Variants in ZNF804B observed in about 807,000 individuals in gnomAD.
ZNF804B encodes zinc finger 804B.
ZNF804B carries 80 observed loss-of-function variants against 101.4 expected under a neutral mutation model. That is an observed-to-expected ratio of 0.79 (90% CI 0.66 to 0.95). The LOEUF (loss-of-function observed/expected upper bound fraction) is 0.95, where lower values mean the gene tolerates loss of function less well. Among genes scored for constraint, ZNF804B ranks in the 40% least tolerant of loss-of-function variants. ZNF804B has a pLI of 0.00. For missense variants in ZNF804B, 1,673 were observed against 1,561.9 expected (o/e 1.07, Z -1.20); for synonymous variants, 622 against 558.8 (o/e 1.11, Z -1.59).
Position 89,045,741 on chromosome 7 carries a change from G to A in ZNF804B, c.109-172414G>A, listed in dbSNP as rs546163343. Among the ~76,000 whole-genome samples the A allele has an allele frequency of 2.0e-5, 3 of 152,298 alleles. No individual in the cohort carries two copies. The East Asian group carries it at 5.8e-4, about 29-fold the overall frequency. On this transcript the variant is annotated intron_variant, in intron 1 of 3. Coordinates refer to ENST00000333190, the MANE Select transcript of ZNF804B (RefSeq NM_181646.5). ...TTTACCCAATCCCTGTACCCCCAAT[G>A]TATCTAGGAAGTAACTCCTTTGCTT...
intron 1 of ZNF804B, among the ~76,000 whole-genome samples, chr7:89,137,170 A>G (rs1485805769): frequency 2.6e-5 from 4 of 152,078 alleles, no homozygotes; most frequent in African/African-American, 9.7e-5. Flanking sequence ...ACACAAAAAT[A>G]TGGAAGATAT....
chr7:89,076,527 A>G (rs1219731329), intron 1 of ZNF804B, among the ~76,000 whole-genome samples: 1 of 152,152 alleles, frequency 6.6e-6, no homozygotes, highest in African/African-American at 2.4e-5. Context: ...GTATGTCTTC[A>G]TCAGCAGCAT....
intron 2 of ZNF804B, among the ~76,000 whole-genome samples, chr7:89,303,799 A>G (rs1224922202): frequency 1.3e-5 from 2 of 151,948 alleles, no homozygotes; most frequent in Non-Finnish European, 1.5e-5. Flanking sequence ...GAAAAAGACT[A>G]TAAAACTGCA....
intron 2 of ZNF804B, among the ~76,000 whole-genome samples, chr7:89,242,951 T>C (rs1170229342): frequency 6.6e-6 from 1 of 151,814 alleles, no homozygotes; most frequent in African/African-American, 2.4e-5. Flanking sequence ...TTTTCATATA[T>C]GTTGGAAGAG....
chr7:89,301,289 C>T (rs774904112), intron 2 of ZNF804B, among the ~76,000 whole-genome samples: 12 of 151,404 alleles, frequency 7.9e-5, no homozygotes, highest in Non-Finnish European at 1.5e-4. Flanking sequence ...CTGAAACATG[C>T]TTATTATTTA....
chr7:89,011,066 G>C (rs1277483938), intron 1 of ZNF804B, among the ~76,000 whole-genome samples: 1 of 152,154 alleles, frequency 6.6e-6, no homozygotes. Context: ...CCATGGCTGG[G>C]GAGGCCTCAG....
At chr7:88,794,204 A>G in intron 1 of ZNF804B, 1 of 1,611,944 alleles carries the variant, frequency 6.2e-7, no homozygotes, top group Non-Finnish European at 8.5e-7. Flanking sequence ...GGAGCAGGCC[A>G]TACCACCTCA....
chr7:89,284,532 T>TA (rs923957943), intron 2 of ZNF804B, among the ~76,000 whole-genome samples: 4 of 152,050 alleles, frequency 2.6e-5, no homozygotes, highest in Non-Finnish European at 5.9e-5. Flanking sequence ...AGGACCGCTG[T>TA]AAAAAAAGAA....
chr7:89,239,977 C>T (rs1789342596), intron 2 of ZNF804B, among the ~76,000 whole-genome samples: 1 of 151,594 alleles, frequency 6.6e-6, no homozygotes, highest in South Asian at 2.1e-4. Context: ...TATCTAACTT[C>T]TCAATTAAAA....
intron 1 of ZNF804B, among the ~76,000 whole-genome samples, chr7:88,847,722 A>C (rs1791396784): frequency 6.6e-6 from 1 of 152,108 alleles, no homozygotes; most frequent in African/African-American, 2.4e-5. Context: ...AATATGCAAA[A>C]TCTAAATGCA....
At chr7:88,946,746 T>A (rs1793136363) in intron 1 of ZNF804B, among the ~76,000 whole-genome samples, 1 of 151,894 alleles carries the variant, frequency 6.6e-6, no homozygotes, top group African/African-American at 2.4e-5. Context: ...CTTTTTTTGA[T>A]TGGTAGGCTA....
rs533172268 is a variant in ZNF804B at position 89,219,070 on chromosome 7, T to A, written c.249+775T>A. Reference sequence around the variant, plus strand: ...TAACTAGTTAGTGACAGATTTAGAATCCTGGACTAGTACTAGGACAGAATC... The same window carrying A: ...TAACTAGTTAGTGACAGATTTAGAAACCTGGACTAGTACTAGGACAGAATC... On this transcript the variant is annotated intron_variant, in intron 2 of 3. Coordinates refer to ENST00000333190, the MANE Select transcript of ZNF804B (RefSeq NM_181646.5). Among the ~76,000 whole-genome samples, 3 of 151,422 alleles carry A rather than the reference T, an allele frequency of 2.0e-5. No homozygotes were observed. The East Asian group carries it at 5.9e-4, about 30-fold the overall frequency.
intron 1 of ZNF804B, among the ~76,000 whole-genome samples, chr7:88,895,860 A>G (rs1263202308): frequency 6.6e-6 from 1 of 152,230 alleles, no homozygotes; most frequent in Non-Finnish European, 1.5e-5. Flanking sequence ...ACTTATATAA[A>G]TACATTATTG....
chr7:89,092,600 A>T (rs1789910581), intron 1 of ZNF804B, among the ~76,000 whole-genome samples: 1 of 151,776 alleles, frequency 6.6e-6, no homozygotes, highest in South Asian at 2.1e-4. Flanking sequence ...TTTAGCAGAG[A>T]CAGTGTTTCA....
chr7:89,050,120 G>A (rs1202503953), intron 1 of ZNF804B, among the ~76,000 whole-genome samples: 3 of 152,032 alleles, frequency 2.0e-5, no homozygotes, highest in Non-Finnish European at 2.9e-5. Context: ...TAGGTCCAAA[G>A]TACTAACGCT....
intron 1 of ZNF804B, among the ~76,000 whole-genome samples, chr7:89,142,304 TTTG>T (rs148973759): frequency 0.12 from 17,529 of 151,750 alleles, 2,161 homozygotes; most frequent in African/African-American, 0.31. Flanking sequence ...TTATTTTTCT[TTTG>T]TTGTTGTTGT....
At chr7:88,885,259 C>T (rs1167500010) in intron 1 of ZNF804B, among the ~76,000 whole-genome samples, 1 of 151,632 alleles carries the variant, frequency 6.6e-6, no homozygotes, top group Non-Finnish European at 1.5e-5. Context: ...TAAAAATGTC[C>T]TTTGTTTTTC....
At position 89,334,541 on chromosome 7, in the gene ZNF804B, C is replaced by T; in HGVS notation, c.1559C>T (p.Thr520Ile). ...TKRESQVSGLTEDQQKLIQED... is the reference protein window; with the variant it reads ...TKRESQVSGLIEDQQKLIQED... ...AGAGAGAGCCAAGTCTCAGGTTTAA[C>T]TGAAGACCAACAAAAATTGATCCAA... is the stretch of plus-strand genomic sequence containing the variant. The change falls in exon 4 of 4, where the codon ACT becomes ATT. Residue 520 changes from threonine (T) to isoleucine (I), a missense_variant. Thr to Ile is a moderately conservative substitution (Grantham distance 89). Transcript: ENST00000333190. The T allele has an allele frequency of 6.2e-7, 1 of 1,613,628 alleles. No individual in the cohort carries two copies. Among genetic ancestry groups the T allele is most frequent in the Non-Finnish European group, 8.5e-7 (1 of 1,179,812 alleles).
chr7:88,851,032 G>A (rs776969190), intron 1 of ZNF804B, among the ~76,000 whole-genome samples: 2 of 152,010 alleles, frequency 1.3e-5, no homozygotes, highest in Non-Finnish European at 2.9e-5. Flanking sequence ...ATTAACAGAA[G>A]ATTAAACATT....
Sources: allele counts gnomAD v4.1 joint callset (sites outside exome capture counted in the v4.1 genomes callset), GRCh38; gene constraint gnomAD v4.1.1; transcripts MANE v1.5; gene names NCBI Gene and HGNC (gene_info 2026-07-23, HGNC 2026-07-21).